The following UGGT2 variants were observed in gnomAD, a reference collection of about 807,000 sequenced individuals.
UGGT2 encodes the protein UDP-glucose:glycoprotein glucosyltransferase 2.
In UGGT2, 180 loss-of-function variants were observed where a neutral mutation model predicts 192.1. The ratio of observed to expected loss-of-function variants is 0.94; its 90% CI spans 0.83 to 1.06. UGGT2 has a LOEUF of 1.06. UGGT2 is among the 50% of genes least tolerant of loss of function. The pLI is 0.00. For synonymous variants in UGGT2, 580 were observed against 591.0 expected (o/e 0.98, Z 0.27); for missense variants, 1,849 against 1,795.7 (o/e 1.03, Z -0.54).
intron 10 of UGGT2, among the ~76,000 whole-genome samples, chr13:95,979,053 C>A (rs147075596): frequency 6.6e-6 from 1 of 152,300 alleles, no homozygotes; most frequent in African/African-American, 2.4e-5. Flanking sequence ...TTGTTCCACT[C>A]TGCTGAATCA....
At chr13:96,026,267 G>C (rs2052661646) in intron 2 of UGGT2, among the ~76,000 whole-genome samples, 1 of 152,066 alleles carries the variant, frequency 6.6e-6, no homozygotes, top group Admixed American at 6.5e-5. Flanking sequence ...AAGAACTCAA[G>C]GGCTATTTTT....
chr13:95,973,596 C>T (rs1170977584), intron 10 of UGGT2, among the ~76,000 whole-genome samples: 1 of 152,138 alleles, frequency 6.6e-6, no homozygotes, highest in South Asian at 2.1e-4. Context: ...TTCCTGAGTG[C>T]CTGCTATGTT....
At chr13:95,835,535 A>T (rs1887188058) in intron 37 of UGGT2, among the ~76,000 whole-genome samples, 1 of 152,188 alleles carries the variant, frequency 6.6e-6, no homozygotes, top group South Asian at 2.1e-4. Context: ...ACCAACTATG[A>T]TTACATTCTA....
At chr13:95,932,085 C>T (rs2049300158) in intron 17 of UGGT2, among the ~76,000 whole-genome samples, 1 of 152,154 alleles carries the variant, frequency 6.6e-6, no homozygotes, top group South Asian at 2.1e-4. Flanking sequence ...ATAGTATTTT[C>T]CAATTCTGTG....
At chr13:95,819,634 AAAC>A (rs977995318) in intron 38 of UGGT2, among the ~76,000 whole-genome samples, 3 of 152,212 alleles carry the variant, frequency 2.0e-5, no homozygotes, top group African/African-American at 7.2e-5. Context: ...GCCACAAAGA[AAAC>A]AACAATAGAT....
chr13:95,914,236 T>TA (rs1160755917), intron 20 of UGGT2, among the ~76,000 whole-genome samples: 1 of 150,432 alleles, frequency 6.6e-6, no homozygotes. Context: ...CCCTAGAACT[T>TA]AAAGTATAAT....
intron 14 of UGGT2, 27 bp from the exon 15 acceptor site, chr13:95,947,199 G>GTTA (rs1264058499): frequency 5.8e-6 from 9 of 1,552,750 alleles, no homozygotes; most frequent in Non-Finnish European, 7.8e-6. Context: ...AACAAGGACT[G>GTTA]TTATAATTAC....
chr13:95,943,015 C>G (rs898798050), intron 15 of UGGT2, among the ~76,000 whole-genome samples: 6 of 152,102 alleles, frequency 3.9e-5, no homozygotes, highest in South Asian at 2.1e-4. Flanking sequence ...TGTAAGTCCA[C>G]TCCCATTTAC....
chr13:95,974,991 G>T (rs1222295896), intron 10 of UGGT2, among the ~76,000 whole-genome samples: 3 of 152,140 alleles, frequency 2.0e-5, no homozygotes, highest in Non-Finnish European at 4.4e-5. Context: ...TGAGGCAAGA[G>T]AATCGCTTCA....
intron 36 of UGGT2, among the ~76,000 whole-genome samples, chr13:95,849,160 C>CCT (rs1888764300): frequency 6.6e-6 from 1 of 151,966 alleles, no homozygotes; most frequent in Admixed American, 6.6e-5. Flanking sequence ...GATCCCTACA[C>CCT]AAATGATATT....
intron 10 of UGGT2, among the ~76,000 whole-genome samples, chr13:95,977,473 G>A (rs2050975401): frequency 6.6e-6 from 1 of 152,168 alleles, no homozygotes; most frequent in Admixed American, 6.5e-5. Context: ...CTAGAGAAAT[G>A]CAAATCAAAA....
intron 12 of UGGT2, among the ~76,000 whole-genome samples, chr13:95,955,527 G>A (rs775304857): frequency 2.5e-4 from 38 of 152,144 alleles, no homozygotes; most frequent in Admixed American, 2.0e-4. Context: ...CTGAGTATAC[G>A]AAATGAATAA....
intron 12 of UGGT2, among the ~76,000 whole-genome samples, chr13:95,967,662 C>T (rs1055602658): frequency 2.0e-5 from 3 of 151,834 alleles, no homozygotes; most frequent in African/African-American, 7.3e-5. Context: ...TTAGTAGAGA[C>T]GGGGTTTCAC....
chr13:95,900,853 A>T lies in UGGT2; in HGVS notation c.2588T>A (p.Val863Glu). The change falls in exon 22 of 39, where the codon GTA becomes GAA. Residue 863 changes from valine to glutamate, a missense_variant. Physicochemically the swap from Val to Glu is moderately radical, Grantham distance 121 (BLOSUM62 -2). Transcript: ENST00000376747. ...CATTTCTCCAGGACGTAATTTAAGT[A>T]CATCTTGACAGAACAACTGGTGAGT... ...FRTHQLFCQD[V>E]LKLRPGEMGI... 4.3e-6 allele frequency: 7 copies of T among 1,611,842 alleles called. No homozygotes were observed. Among genetic ancestry groups the T allele is most frequent in the Non-Finnish European group, 5.9e-6 (7 of 1,179,124 alleles).
intron 31 of UGGT2, among the ~76,000 whole-genome samples, chr13:95,861,449 C>G (rs1040864820): frequency 2.0e-5 from 3 of 152,026 alleles, no homozygotes; most frequent in African/African-American, 7.2e-5. Flanking sequence ...AAAGAAAGCA[C>G]TAGGGAACCA....
intron 20 of UGGT2, among the ~76,000 whole-genome samples, chr13:95,917,870 CA>C (rs1490414915): frequency 6.6e-6 from 1 of 152,122 alleles, no homozygotes; most frequent in Non-Finnish European, 1.5e-5. Flanking sequence ...AATACAGAAG[CA>C]CCCAGATTCA....
chr13:95,979,561 A>AAAAAAAAAAAAAAAAAAC (rs2051049683), intron 10 of UGGT2, among the ~76,000 whole-genome samples: 1 of 151,390 alleles, frequency 6.6e-6, no homozygotes, highest in Non-Finnish European at 1.5e-5. Context: ...AAAAAAAAAA[A>AAAAAAAAAAAAAAAAAAC]ATACAGACTT....
chr13:95,884,643 C>G lies in UGGT2; in HGVS notation c.3076G>C (p.Gly1026Arg). Residue 1026 changes from glycine (G) to arginine (R), a missense_variant, in exon 27 of 39, where the codon GGG becomes CGG. Transcript: ENST00000376747. Reference protein sequence around the residue: ...RFVLEPELMSGANDVSSLGPV... With the variant: ...RFVLEPELMSRANDVSSLGPV... ...CCAAGAGAAGAAACGTCATTAGCCC[C>G]TGACATCAGTTCTGGTTCCAGAACA... The G allele has an allele frequency of 6.2e-7, 1 of 1,613,632 alleles. No homozygotes were observed. The highest frequency in any genetic ancestry group is 8.5e-7 in the Non-Finnish European group (1 of 1,179,740).
chr13:96,003,402 C>T (rs763621029), intron 5 of UGGT2, among the ~76,000 whole-genome samples: 1 of 152,132 alleles, frequency 6.6e-6, no homozygotes, highest in Non-Finnish European at 1.5e-5. Context: ...ATTATAAAGG[C>T]CACAAATGAG....
Sources: allele counts gnomAD v4.1 joint callset (sites outside exome capture counted in the v4.1 genomes callset), GRCh38; gene constraint gnomAD v4.1.1; transcripts MANE v1.5; gene names NCBI Gene and HGNC (gene_info 2026-07-23, HGNC 2026-07-21).